Variants in PLEKHA4 observed in about 807,000 individuals in gnomAD.
The protein encoded by PLEKHA4 is pleckstrin homology domain-containing family A member 4.
PLEKHA4 carries 73 observed loss-of-function variants against 94.7 expected under a neutral mutation model. The ratio of observed to expected loss-of-function variants is 0.77; its 90% CI spans 0.64 to 0.94. The LOEUF (loss-of-function observed/expected upper bound fraction) is 0.94. Among genes scored for constraint, PLEKHA4 ranks in the 40% least tolerant of loss-of-function variants. PLEKHA4 has a pLI of 0.00. For missense variants in PLEKHA4, 1,049 were observed against 1,054.1 expected, an observed-to-expected ratio of 1.00 and a Z score of 0.07; for synonymous variants, 449 against 437.1, an observed-to-expected ratio of 1.03 and a Z score of -0.34.
chr19:48,868,194 A>G lies in PLEKHA4; in HGVS notation c.-118T>C, dbSNP rs147954785. On this transcript the variant is annotated 5_prime_UTR_variant, in exon 1 of 20. Coordinates refer to ENST00000263265, the MANE Select transcript of PLEKHA4 (RefSeq NM_020904.3). ...TAGCTGCTGTCTCTCATAGTTCTCA[A>G]TCTCTCTCCTCACCTGCTCACTCAC... 871 of 152,704 alleles carry G rather than the reference A, an allele frequency of 5.7e-3. 2 individuals are homozygous for G. The highest frequency in any genetic ancestry group is 0.014 in the South Asian group (70 of 4,930). The allele number at this position is 152,704 out of a possible 1,614,324, so 9.5% of individuals were successfully genotyped here. A position where few individuals can be genotyped will look rare whatever the true frequency, so the allele number is the denominator to read the frequency against.
chr19:48,867,103 C>T lies in PLEKHA4; in HGVS notation c.84+434G>A, dbSNP rs543391249. Among the ~76,000 whole-genome samples the T allele has an allele frequency of 3.3e-5, 5 of 152,212 alleles. No individual in the cohort carries two copies. In the South Asian group the frequency reaches 6.2e-4, roughly 19 times the overall value. ...TCTCCCTAAGCTTTTGGCTGGGATGCCGATTTGGGATGCAAGTATCTGGAG... is the reference window on the plus strand; with the variant it reads ...TCTCCCTAAGCTTTTGGCTGGGATGTCGATTTGGGATGCAAGTATCTGGAG... On this transcript the variant is annotated intron_variant, in intron 2 of 19. Transcript: ENST00000263265. This position sits in a 1 kb window ranked among gnomAD's most constrained non-coding sequence, Gnocchi z 4.7.
chr19:48,854,254 G>C lies in PLEKHA4; in HGVS notation c.1058C>G (p.Pro353Arg), dbSNP rs267605570. The change falls in exon 10 of 20, where the codon CCC becomes CGC. Residue 353 changes from proline to arginine, a missense_variant. Pro to Arg is a moderately radical substitution (Grantham distance 103). Coordinates refer to ENST00000263265, the MANE Select transcript of PLEKHA4 (RefSeq NM_020904.3). ...GCTTTGGTGGAAAGTTGACTCCAGG[G>C]GAGGACCCGGCTGAAGAGAAGGAAA... ...RASMVLLPGPPLESTFHQSLE... is the reference protein window; with the variant it reads ...RASMVLLPGPRLESTFHQSLE... The C allele has an allele frequency of 6.2e-7, 1 of 1,614,096 alleles. No individual in the cohort carries two copies. The highest frequency in any genetic ancestry group is 8.5e-7 in the Non-Finnish European group (1 of 1,179,954).
intron 4 of PLEKHA4, 33 bp downstream of exon 4, chr19:48,861,587 C>T: frequency 6.2e-7 from 1 of 1,613,086 alleles, no homozygotes; most frequent in African/African-American, 1.3e-5. Context: ...CGGGGGGGCC[C>T]TCCCACCCCA....
chr19:48,855,635 T>TAAATAAATAAATAAAA (rs1406810877), intron 9 of PLEKHA4, among the ~76,000 whole-genome samples: 2 of 142,764 alleles, frequency 1.4e-5, no homozygotes, highest in African/African-American at 5.1e-5. Flanking sequence ...AATAAATAAA[T>TAAATAAATAAATAAAA]AAAATAAGCT....
chr19:48,845,615 C>T lies in PLEKHA4; in HGVS notation c.1568G>A (p.Ser523Asn), dbSNP rs2035940924. 1.3e-6 allele frequency: 2 copies of T among 1,566,294 alleles called. No individual in the cohort carries two copies. The highest frequency in any genetic ancestry group is 1.7e-6 in the Non-Finnish European group (2 of 1,158,228). The change falls in exon 15 of 20, where the codon AGC (serine) becomes AAC (asparagine). Residue 523 changes from serine to asparagine, a missense_variant and splice_region_variant. Ser to Asn is a conservative substitution (Grantham distance 46). Transcript: ENST00000263265. The stretch of plus-strand genomic sequence containing the variant: ...GCTCAGTTCCAAGGACTCTGGCAGG[C>T]TCTGCGGGGATTAGAAAAGGGGGAT... ...LQGEESSERE[S>N]LPESLELSSP...
At chr19:48,859,379 C>T in intron 7 of PLEKHA4, 90 bp downstream of exon 7, 1 of 1,393,096 alleles carries the variant, frequency 7.2e-7, no homozygotes, top group Non-Finnish European at 9.9e-7. Context: ...CACACACACT[C>T]AAGCAGAAAG....
intron 12 of PLEKHA4, among the ~76,000 whole-genome samples, chr19:48,853,061 C>T (rs2036259837): frequency 6.6e-6 from 1 of 152,338 alleles, no homozygotes; most frequent in Admixed American, 6.5e-5. Flanking sequence ...TTGTTCTCAA[C>T]TCTCATTTAA....
At chr19:48,864,736 T>C (rs759040547) in intron 3 of PLEKHA4, among the ~76,000 whole-genome samples, 21 of 151,698 alleles carry the variant, frequency 1.4e-4, no homozygotes, top group Admixed American at 6.6e-5. Context: ...AGGTTTTGTG[T>C]GTGTGTGTAT....
chr19:48,840,929 C>T (rs546781574), intron 17 of PLEKHA4, among the ~76,000 whole-genome samples: 3 of 152,158 alleles, frequency 2.0e-5, no homozygotes, highest in East Asian at 1.9e-4. Flanking sequence ...GTGTGACCCC[C>T]GCCCCCACCC....
chr19:48,842,816 ACACTGGGTGTGACTCCCC>A (rs2035818557), intron 16 of PLEKHA4, among the ~76,000 whole-genome samples: 1 of 152,172 alleles, frequency 6.6e-6, no homozygotes, highest in Non-Finnish European at 1.5e-5. Context: ...GGAGGGTCTC[ACACTGGGTGTGACTCCCC>A]CATAGACAAA....
In PLEKHA4 at chr19:48,859,008, C is replaced by T; in HGVS notation, c.824G>A (p.Arg275His). The T allele has an allele frequency of 1.3e-6, 2 of 1,565,798 alleles. No individual in the cohort carries two copies. Among genetic ancestry groups the T allele is most frequent in the Non-Finnish European group, 8.6e-7 (1 of 1,163,138 alleles). Residue 275 changes from arginine (R) to histidine (H), a missense_variant, in exon 8 of 20, where the codon CGC (arginine) becomes CAC (histidine). Coordinates refer to ENST00000263265, the MANE Select transcript of PLEKHA4 (RefSeq NM_020904.3). ...ATCCAGAGGAGGTCGGACATCAATGCGACTCAACGGGGTGTGAGGTCGGGC... is the reference window on the plus strand; with the variant it reads ...ATCCAGAGGAGGTCGGACATCAATGTGACTCAACGGGGTGTGAGGTCGGGC... Reference protein sequence around the residue: ...PPARPHTPLSRIDVRPPLDWG... With the variant: ...PPARPHTPLSHIDVRPPLDWG...
intron 14 of PLEKHA4, 54 bp from the exon 15 acceptor site, chr19:48,845,670 T>G: frequency 7.5e-7 from 1 of 1,339,436 alleles, no homozygotes; most frequent in Non-Finnish European, 1.0e-6. Context: ...ATTATTATTA[T>G]TACCATGTTG....
At chr19:48,838,667 T>C (rs2035636086) in intron 18 of PLEKHA4, among the ~76,000 whole-genome samples, 2 of 148,138 alleles carry the variant, frequency 1.4e-5, no homozygotes, top group African/African-American at 2.5e-5. Context: ...CTAGGGAGGC[T>C]GAGGAAGGAG....
chr19:48,844,236 C>T (rs186869887), intron 16 of PLEKHA4, among the ~76,000 whole-genome samples: 178 of 151,226 alleles, frequency 1.2e-3, no homozygotes, highest in African/African-American at 4.1e-3. Context: ...GTCTTTGCCA[C>T]CTCTGCCTCC....
At chr19:48,859,363 G>T in intron 7 of PLEKHA4, 106 bp downstream of exon 7, 1 of 1,243,614 alleles carries the variant, frequency 8.0e-7, no homozygotes, top group Non-Finnish European at 1.1e-6. Flanking sequence ...GGGAGCCCCA[G>T]CAAGTCACAC....
chr19:48,844,365 A>G (rs2035886988), intron 16 of PLEKHA4: 1 of 659,782 alleles, frequency 1.5e-6, no homozygotes, highest in African/African-American at 2.0e-5. Context: ...ATGTTGGTCA[A>G]TCTGGTCTCA....
chr19:48,856,667 G>A (rs1361342833), intron 9 of PLEKHA4, among the ~76,000 whole-genome samples: 6 of 152,048 alleles, frequency 3.9e-5, no homozygotes, highest in Admixed American at 1.3e-4. Flanking sequence ...GCAGTGAACC[G>A]AGATCGCGCC....
intron 3 of PLEKHA4, among the ~76,000 whole-genome samples, chr19:48,862,738 C>T (rs2036692021): frequency 6.6e-6 from 1 of 152,098 alleles, no homozygotes; most frequent in Non-Finnish European, 1.5e-5. Flanking sequence ...TGGTCTCGAT[C>T]TCCTGACCTT....
chr19:48,848,132 G>T, intron 13 of PLEKHA4, 92 bp from the exon 14 acceptor site: 1 of 1,345,834 alleles, frequency 7.4e-7, no homozygotes, highest in Non-Finnish European at 1.0e-6. Flanking sequence ...AAATCAGCTG[G>T]GCTATATTTA....
Sources: allele counts gnomAD v4.1 joint callset (sites outside exome capture counted in the v4.1 genomes callset), GRCh38; gene constraint gnomAD v4.1.1; non-coding constraint Gnocchi (gnomAD v3.1); transcripts MANE v1.5; gene names NCBI Gene and HGNC (gene_info 2026-07-23, HGNC 2026-07-21).